Variants in THOC2 observed in about 807,000 individuals in gnomAD.
THOC2 encodes THO complex subunit 2.
A neutral mutation model predicts 128.4 loss-of-function variants in THOC2; 10 were observed. The ratio of observed to expected loss-of-function variants is 0.08; its 90% CI spans 0.05 to 0.13. The LOEUF (loss-of-function observed/expected upper bound fraction) is 0.13, where lower values mean the gene tolerates loss of function less well. THOC2 is among the 10% of genes least tolerant of loss of function. THOC2 has a pLI of 1.00. For synonymous variants in THOC2, 393 were observed against 396.9 expected (o/e 0.99, Z 0.12); for missense variants, 535 against 1,155.7 (o/e 0.46, Z 7.79).
intron 8 of THOC2, 25 bp downstream of exon 8, chrX:123,686,523 T>C (rs1455262718): frequency 1.8e-6 from 2 of 1,116,651 alleles, no homozygotes; most frequent in Admixed American, 2.5e-5. Context: ...TCTCTAAATA[T>C]ACATACATAC....
At chrX:123,634,941 C>G (rs1360406690) in intron 19 of THOC2, among the ~76,000 whole-genome samples, 1 of 111,884 alleles carries the variant, frequency 8.9e-6, no homozygotes, top group Non-Finnish European at 1.9e-5. Flanking sequence ...TTTAATTAAT[C>G]TAAACAAAGT....
At chrX:123,615,656 TACACACAC>T (rs988551946) in intron 33 of THOC2, among the ~76,000 whole-genome samples, 4 of 91,598 alleles carry the variant, frequency 4.4e-5, no homozygotes, top group Admixed American at 1.2e-4. Context: ...AAAAAAAAAA[TACACACAC>T]ACACACACAC....
intron 2 of THOC2, among the ~76,000 whole-genome samples, chrX:123,707,456 T>C (rs2050981600): frequency 1.8e-5 from 2 of 111,897 alleles, no homozygotes; most frequent in Non-Finnish European, 3.8e-5. Context: ...TACCCTAGTG[T>C]GAGAGAAATT....
chrX:123,623,279 A>C lies in THOC2; in HGVS notation c.3508T>G (p.Ser1170Ala), dbSNP rs1569335121. ...PDLYALAMGY[S>A]GQLKSRKSYM... ...GACTTTCTACTTTTCAACTGCCCAGAGTAGCTGAAAGTCGCACAAAGTGTT... is the reference window on the plus strand; with the variant it reads ...GACTTTCTACTTTTCAACTGCCCAGCGTAGCTGAAAGTCGCACAAAGTGTT... Residue 1170 changes from serine to alanine, a missense_variant, in exon 29 of 39, where the codon TCT becomes GCT. Coordinates refer to ENST00000245838, the MANE Select transcript of THOC2 (RefSeq NM_001081550.2). 8.5e-7 allele frequency: 1 copy of C among 1,181,389 alleles called. No individual in the cohort carries two copies. Among genetic ancestry groups the C allele is most frequent in the Non-Finnish European group, 1.1e-6 (1 of 881,391 alleles).
intron 33 of THOC2, among the ~76,000 whole-genome samples, chrX:123,614,732 C>T (rs2147553254): frequency 9.0e-6 from 1 of 111,467 alleles, no homozygotes; most frequent in South Asian, 3.7e-4. Context: ...ATTATTTTTA[C>T]AAATGTAAAG....
intron 12 of THOC2, among the ~76,000 whole-genome samples, chrX:123,654,758 CAAA>C (rs149260708): frequency 4.1e-5 from 1 of 24,360 alleles, no homozygotes; most frequent in Non-Finnish European, 6.2e-5. Flanking sequence ...GACTCCGTCT[CAAA>C]AAAAAAAAAA....
At chrX:123,709,248 A>G (rs1365018492) in intron 2 of THOC2, among the ~76,000 whole-genome samples, 20 of 112,091 alleles carry the variant, frequency 1.8e-4, no homozygotes, top group Admixed American at 1.6e-3. Flanking sequence ...AAAAAATTCA[A>G]TAAAATATTT....
chrX:123,719,373 G>C (rs1425244555), intron 1 of THOC2, among the ~76,000 whole-genome samples: 1 of 110,505 alleles, frequency 9.0e-6, no homozygotes, highest in Admixed American at 9.7e-5. Context: ...TTATCAAAAA[G>C]ACAAAAAATA....
At chrX:123,663,477 C>T (rs1307219241) in intron 12 of THOC2, among the ~76,000 whole-genome samples, 4 of 107,800 alleles carry the variant, frequency 3.7e-5, no homozygotes, top group African/African-American at 1.4e-4. Context: ...ATGCATTTGT[C>T]AAAACTCATA....
At chrX:123,661,299 G>A (rs1044721751) in intron 12 of THOC2, among the ~76,000 whole-genome samples, 4 of 111,258 alleles carry the variant, frequency 3.6e-5, no homozygotes, top group South Asian at 3.8e-4. Context: ...CAGCTACTCG[G>A]GAGGCTGAAG....
chrX:123,703,725 CAAAA>C (rs761049104), intron 3 of THOC2, among the ~76,000 whole-genome samples: 1 of 29,771 alleles, frequency 3.4e-5, no homozygotes, highest in Non-Finnish European at 5.4e-5. Context: ...CCATCTCTAC[CAAAA>C]AAAAAAAAAA....
chrX:123,613,799 G>A, intron 34 of THOC2, 91 bp from the exon 35 acceptor site: 1 of 857,155 alleles, frequency 1.2e-6, no homozygotes, highest in Non-Finnish European at 1.7e-6. Flanking sequence ...CAGCTAACTA[G>A]CAATGGAGAG....
chrX:123,621,068 C>G (rs2047065342), intron 31 of THOC2, 89 bp downstream of exon 31: 2 of 1,170,828 alleles, frequency 1.7e-6, no homozygotes, highest in Non-Finnish European at 2.3e-6. Context: ...TAGCAAAACC[C>G]CTATATAACT....
At chrX:123,645,625 T>G (rs2048090212) in intron 12 of THOC2, among the ~76,000 whole-genome samples, 1 of 112,430 alleles carries the variant, frequency 8.9e-6, no homozygotes, top group African/African-American at 3.2e-5. Flanking sequence ...TCTCAACCTA[T>G]CAAACCAAAG....
At chrX:123,605,344 C>G (rs1364328750) in intron 38 of THOC2, among the ~76,000 whole-genome samples, 1 of 111,681 alleles carries the variant, frequency 9.0e-6, no homozygotes, top group Non-Finnish European at 1.9e-5. Flanking sequence ...TTCTCCTGCC[C>G]TCTTCAACTT....
In THOC2 at chrX:123,712,857, T is replaced by C. The variant is rs373429402; in HGVS notation, c.123A>G (p.Thr41=). 6 of 1,157,732 alleles carry C rather than the reference T, an allele frequency of 5.2e-6. No individual in the cohort carries two copies. The African/African-American group carries it at 1.1e-4, about 21-fold the overall frequency. ...TACTTTTAAAAATCTTACCTCTGTA[T>C]GTTGAACTATCATGGCTTTTATTTT... ...LSENKSHDSS[T]YRDFQQALYE... Residue 41 remains threonine (T), a synonymous_variant, in exon 2 of 39, where the codon ACA becomes ACG. Coordinates refer to ENST00000245838, the MANE Select transcript of THOC2 (RefSeq NM_001081550.2).
At chrX:123,690,698 G>A (rs375768428) in intron 7 of THOC2, among the ~76,000 whole-genome samples, 7 of 111,586 alleles carry the variant, frequency 6.3e-5, no homozygotes, top group Non-Finnish European at 9.4e-5. Flanking sequence ...GCAAGAAAAC[G>A]GAATTATAGC....
In THOC2 at chrX:123,638,115, T is replaced by C; in HGVS notation, c.1849A>G (p.Ile617Val). The C allele has an allele frequency of 8.6e-7, 1 of 1,167,650 alleles. No homozygotes were observed. Among genetic ancestry groups the C allele is most frequent in the Admixed American group, 2.3e-5 (1 of 44,409 alleles). The change falls in exon 18 of 39, where the codon ATT becomes GTT. Residue 617 changes from isoleucine to valine, a missense_variant. This residue lies in a region of THOC2 where 197 missense variants were observed against 313.4 expected (regional missense o/e 0.63). Coordinates refer to ENST00000245838, the MANE Select transcript of THOC2 (RefSeq NM_001081550.2). ...LNYDVLAYCIIEALANPEKER... is the reference protein window; with the variant it reads ...LNYDVLAYCIVEALANPEKER... Reference sequence around the variant, plus strand: ...TTTTCTGGATTAGCTAAAGCTTCAATGATACAATCTTTCATACATTAAGAA... The same window carrying C: ...TTTTCTGGATTAGCTAAAGCTTCAACGATACAATCTTTCATACATTAAGAA...
intron 1 of THOC2, among the ~76,000 whole-genome samples, chrX:123,714,842 G>T (rs768681194): frequency 5.7e-4 from 63 of 111,057 alleles, no homozygotes; most frequent in Non-Finnish European, 5.5e-4. Flanking sequence ...AAGAAAACTG[G>T]AAAGTTCACA....
Sources: allele counts gnomAD v4.1 joint callset (sites outside exome capture counted in the v4.1 genomes callset), GRCh38; gene constraint gnomAD v4.1.1; regional missense constraint gnomAD v4.1.1; transcripts MANE v1.5; gene names NCBI Gene and HGNC (gene_info 2026-07-23, HGNC 2026-07-21).